The following NRXN1 variants were observed in gnomAD, a reference collection of about 807,000 sequenced individuals.
NRXN1 encodes the protein neurexin 1.
Under a neutral mutation model 150.9 loss-of-function variants are expected in NRXN1, and 39 were observed. That is an observed-to-expected ratio of 0.26 (90% CI 0.20 to 0.34). The LOEUF is 0.34. Among genes scored for constraint, NRXN1 ranks in the 10% least tolerant of loss-of-function variants. The pLI is 1.00. For synonymous variants in NRXN1, 924 were observed against 757.0 expected (o/e 1.22, Z -3.62); for missense variants, 1,815 against 1,949.9 (o/e 0.93, Z 1.30).
intron 21 of NRXN1, among the ~76,000 whole-genome samples, chr2:49,998,850 T>C (rs2216522): frequency 0.47 from 71,994 of 151,820 alleles, 17,659 homozygotes; most frequent in Middle Eastern, 0.62. Context: ...TTTCTCTGTC[T>C]TTTCTCACTG....
intron 17 of NRXN1, among the ~76,000 whole-genome samples, chr2:50,357,285 C>CATTTATTT (rs149751076): frequency 9.2e-5 from 13 of 140,878 alleles, no homozygotes; most frequent in Admixed American, 2.8e-4. Context: ...ATAAATAATA[C>CATTTATTT]ATTTATTTAT....
chr2:50,208,999 T>G (rs1206025793), intron 18 of NRXN1, among the ~76,000 whole-genome samples: 1 of 152,080 alleles, frequency 6.6e-6, no homozygotes, highest in Non-Finnish European at 1.5e-5. Context: ...ACCTCTTATT[T>G]CTTCATTCTC....
At chr2:50,333,779 T>C (rs921229211) in intron 17 of NRXN1, among the ~76,000 whole-genome samples, 2 of 151,882 alleles carry the variant, frequency 1.3e-5, no homozygotes, top group Non-Finnish European at 2.9e-5. Flanking sequence ...AGCACTTGAT[T>C]GATTGGTCTC....
intron 17 of NRXN1, among the ~76,000 whole-genome samples, chr2:50,373,626 A>AAAG (rs2080210958): frequency 3.0e-5 from 3 of 98,606 alleles, no homozygotes; most frequent in African/African-American, 4.4e-5. Context: ...AGAGAGAAAG[A>AAAG]AAAGAAAGAA....
intron 2 of NRXN1, among the ~76,000 whole-genome samples, chr2:50,980,697 T>C (rs1211500461): frequency 2.0e-5 from 3 of 152,102 alleles, no homozygotes; most frequent in African/African-American, 4.8e-5. Flanking sequence ...TAGATGCTAA[T>C]GTAATTTGTT....
intron 17 of NRXN1, among the ~76,000 whole-genome samples, chr2:50,240,455 C>T (rs1045926564): frequency 2.0e-5 from 3 of 151,800 alleles, no homozygotes; most frequent in South Asian, 2.1e-4. Flanking sequence ...TTGCATCAAA[C>T]TTTACAAAAT....
intron 5 of NRXN1, among the ~76,000 whole-genome samples, chr2:50,636,417 C>T (rs1277279514): frequency 6.6e-6 from 1 of 152,096 alleles, no homozygotes; most frequent in Admixed American, 6.6e-5. Context: ...ACTAAGTGAT[C>T]TCCAATGTTT....
At chr2:50,069,145 T>G (rs1248687281) in intron 19 of NRXN1, among the ~76,000 whole-genome samples, 2 of 152,350 alleles carry the variant, frequency 1.3e-5, no homozygotes, top group East Asian at 3.9e-4. Context: ...ATACTTTGGA[T>G]AGCAATGAAG....
intron 18 of NRXN1, among the ~76,000 whole-genome samples, chr2:50,199,740 G>C (rs547792840): frequency 2.0e-4 from 31 of 152,132 alleles, no homozygotes; most frequent in Admixed American, 8.5e-4. Context: ...CATCATTTTG[G>C]GGTGTAGGAA....
At position 51,027,656 on chromosome 2, in the gene NRXN1, A is replaced by G. The variant is rs199648906; in HGVS notation, c.618T>C (p.Asp206=). ...PVDSGEVKLD[D]EPPNSGGGSP... The stretch of plus-strand genomic sequence containing the variant: ...TTCCCCCGCCGCTGTTGGGCGGCTC[A>G]TCGTCCAGCTTCACCTCGCCGCTGT... The change falls in exon 2 of 23, where the codon GAT becomes GAC. Residue 206 remains aspartate, a synonymous_variant. Transcript: ENST00000401669. 11 of 1,601,376 alleles carry G rather than the reference A, an allele frequency of 6.9e-6. No individual in the cohort carries two copies. Among genetic ancestry groups the G allele is most frequent in the Non-Finnish European group, 9.4e-6 (11 of 1,174,236 alleles).
intron 18 of NRXN1, among the ~76,000 whole-genome samples, chr2:50,203,780 C>T (rs1433857656): frequency 6.6e-6 from 1 of 152,140 alleles, no homozygotes; most frequent in Non-Finnish European, 1.5e-5. Flanking sequence ...GAAATAGCTA[C>T]AAAATCAATA....
intron 17 of NRXN1, among the ~76,000 whole-genome samples, chr2:50,250,530 C>G (rs78019145): frequency 0.019 from 2,816 of 151,856 alleles, 76 homozygotes; most frequent in African/African-American, 0.065. Flanking sequence ...ATACAGAGCA[C>G]AAATCACATA....
At chr2:50,763,777 G>A (rs2105401264) in intron 5 of NRXN1, among the ~76,000 whole-genome samples, 1 of 151,988 alleles carries the variant, frequency 6.6e-6, no homozygotes, top group South Asian at 2.1e-4. Flanking sequence ...TAATGAAAAA[G>A]CCTGTAACAG....
chr2:50,471,167 G>C (rs2089421139), intron 16 of NRXN1, among the ~76,000 whole-genome samples: 1 of 151,638 alleles, frequency 6.6e-6, no homozygotes, highest in Non-Finnish European at 1.5e-5. Flanking sequence ...GAACTATATA[G>C]TCGTGAAGTC....
intron 5 of NRXN1, among the ~76,000 whole-genome samples, chr2:50,799,942 CAT>C (rs1400340903): frequency 3.3e-5 from 5 of 152,032 alleles, no homozygotes; most frequent in African/African-American, 7.2e-5. Flanking sequence ...GAGAAACACA[CAT>C]GATAATTTTT....
chr2:50,651,539 A>C (rs550901208), intron 5 of NRXN1, among the ~76,000 whole-genome samples: 2 of 151,966 alleles, frequency 1.3e-5, no homozygotes, highest in East Asian at 3.9e-4. Flanking sequence ...CATAACATAA[A>C]ATACACTGGG....
chr2:50,990,079 T>G (rs1276219775), intron 2 of NRXN1, among the ~76,000 whole-genome samples: 1 of 152,038 alleles, frequency 6.6e-6, no homozygotes, highest in African/African-American at 2.4e-5. Context: ...CTAATGATGT[T>G]GAGCATCTTT....
At chr2:50,217,771 C>T (rs184438976) in intron 18 of NRXN1, among the ~76,000 whole-genome samples, 2 of 152,148 alleles carry the variant, frequency 1.3e-5, no homozygotes, top group African/African-American at 4.8e-5. Context: ...TACTTGAAGT[C>T]TCTCTGCAGT....
intron 17 of NRXN1, among the ~76,000 whole-genome samples, chr2:50,453,912 T>C (rs1558759262): frequency 1.3e-5 from 2 of 152,186 alleles, no homozygotes; most frequent in African/African-American, 2.4e-5. Context: ...ATAAGTATTG[T>C]AGCATTTCAC....
Sources: gnomAD v4.1 joint callset for allele counts (sites outside exome capture counted in the v4.1 genomes callset) on GRCh38, gnomAD v4.1.1 for gene constraint, MANE v1.5 for transcripts, NCBI Gene and HGNC (gene_info 2026-07-23, HGNC 2026-07-21) for gene names.